Variants in MPDZ observed in about 807,000 individuals in gnomAD.
The protein encoded by MPDZ is multiple PDZ domain crumbs cell polarity complex component, also known as multiple PDZ domain protein.
A neutral mutation model predicts 239.1 loss-of-function variants in MPDZ; 234 were observed. That is an observed-to-expected ratio of 0.98 (90% CI 0.88 to 1.09). The LOEUF (loss-of-function observed/expected upper bound fraction) is 1.09, where lower values mean the gene tolerates loss of function less well. Among genes scored for constraint, MPDZ ranks in the 50% least tolerant of loss-of-function variants. The pLI is 0.00. For missense variants in MPDZ, 3,175 were observed against 2,510.0 expected (o/e 1.26, Z -5.66); for synonymous variants, 1,048 against 881.3 (o/e 1.19, Z -3.35).
At position 13,106,941 on chromosome 9, in the gene MPDZ, G is replaced by A; in HGVS notation, c.*24C>T. 1 of 1,612,440 alleles carries A rather than the reference G, an allele frequency of 6.2e-7. No homozygotes were observed. The highest frequency in any genetic ancestry group is 8.5e-7 in the Non-Finnish European group (1 of 1,178,712). On this transcript the variant is annotated 3_prime_UTR_variant, in exon 47 of 47. Transcript: ENST00000319217. ...CAGTAGGAGGTGAGCTAGGGGTTGG[G>A]TTGGTTCAATTCTGGCAGCCAATTC...
intron 24 of MPDZ, among the ~76,000 whole-genome samples, chr9:13,155,244 G>A (rs1233168227): frequency 6.6e-6 from 1 of 151,938 alleles, no homozygotes; most frequent in Non-Finnish European, 1.5e-5. Flanking sequence ...AATTGGTATA[G>A]CAACCTTAAA....
chr9:13,157,913 C>T (rs529637868), intron 24 of MPDZ, 105 bp downstream of exon 24: 16 of 898,996 alleles, frequency 1.8e-5, no homozygotes, highest in Admixed American at 6.1e-5. Flanking sequence ...ACAACTCACC[C>T]GATATAACAA....
intron 32 of MPDZ, among the ~76,000 whole-genome samples, chr9:13,128,792 C>A (rs867046493): frequency 3.9e-5 from 6 of 152,224 alleles, no homozygotes; most frequent in Middle Eastern, 6.8e-3. Context: ...CTCCCTTCTC[C>A]CAAGATACAT....
chr9:13,148,003 T>C (rs1948663448), intron 25 of MPDZ, among the ~76,000 whole-genome samples: 1 of 152,054 alleles, frequency 6.6e-6, no homozygotes. Flanking sequence ...AGCAGCACTG[T>C]CTTCATCATG....
At position 13,122,140 on chromosome 9, in the gene MPDZ, C is replaced by A. The variant is rs778870383; in HGVS notation, c.4984G>T (p.Glu1662Ter). 2 of 1,613,974 alleles carry A rather than the reference C, an allele frequency of 1.2e-6. No individual in the cohort carries two copies. The highest frequency in any genetic ancestry group is 1.7e-6 in the Non-Finnish European group (2 of 1,179,908). ...GAIIIHEVYE[E>*]GAACKDGRLW... is the part of the protein sequence containing the mutation. The stretch of plus-strand genomic sequence containing the variant: ...CTTCCATCTTTACATGCTGCTCCTT[C>A]TTCATAAACTTCATGGATAATAATG... The change falls in exon 37 of 47, where the codon GAA becomes TAA. Residue 1662 changes from glutamate (E) to a stop codon, truncating the protein, a stop_gained. Transcript: ENST00000319217. LOFTEE classifies it high-confidence loss of function.
chr9:13,115,402 T>C (rs1300099224), intron 39 of MPDZ, 68 bp from the exon 40 acceptor site: 3 of 1,297,954 alleles, frequency 2.3e-6, no homozygotes, highest in Non-Finnish European at 2.2e-6. Flanking sequence ...TCTTTAGGAA[T>C]ACATTTTACT....
At chr9:13,151,633 G>C (rs1334158101) in intron 24 of MPDZ, among the ~76,000 whole-genome samples, 1 of 151,972 alleles carries the variant, frequency 6.6e-6, no homozygotes, top group Non-Finnish European at 1.5e-5. Flanking sequence ...GCCTGGGATG[G>C]GAAGAGACAA....
intron 1 of MPDZ, among the ~76,000 whole-genome samples, chr9:13,265,950 C>T (rs1971704796): frequency 6.6e-6 from 1 of 152,182 alleles, no homozygotes; most frequent in Non-Finnish European, 1.5e-5. Context: ...TTTATATATT[C>T]TCCCAAGATC....
At chr9:13,129,393 G>A (rs1164158672) in intron 32 of MPDZ, among the ~76,000 whole-genome samples, 4 of 151,974 alleles carry the variant, frequency 2.6e-5, no homozygotes, top group South Asian at 4.1e-4. Context: ...AACCCGGGAG[G>A]TGGAGGATGC....
intron 24 of MPDZ, among the ~76,000 whole-genome samples, chr9:13,156,959 CTT>C (rs1949904410): frequency 6.6e-6 from 1 of 152,078 alleles, no homozygotes; most frequent in Admixed American, 6.6e-5. Context: ...AGTTAAGTGA[CTT>C]TTGATGAAAT....
intron 12 of MPDZ, among the ~76,000 whole-genome samples, chr9:13,198,824 G>A (rs1395730205): frequency 6.8e-6 from 1 of 146,048 alleles, no homozygotes; most frequent in Non-Finnish European, 1.5e-5. Flanking sequence ...AAGTCTGTTG[G>A]TGTGATGCCT....
At chr9:13,132,520 G>T (rs559068472) in intron 32 of MPDZ, among the ~76,000 whole-genome samples, 1 of 152,110 alleles carries the variant, frequency 6.6e-6, no homozygotes, top group Non-Finnish European at 1.5e-5. Context: ...AGCCTAATGT[G>T]GAAATAGATG....
intron 3 of MPDZ, among the ~76,000 whole-genome samples, chr9:13,229,222 G>A (rs979054804): frequency 5.3e-5 from 8 of 151,936 alleles, no homozygotes; most frequent in Non-Finnish European, 1.2e-4. Flanking sequence ...CCACTTTAAA[G>A]GTATCAAAAA....
intron 19 of MPDZ, among the ~76,000 whole-genome samples, chr9:13,179,684 A>G (rs1464642279): frequency 6.6e-6 from 1 of 152,184 alleles, no homozygotes; most frequent in Admixed American, 6.5e-5. Context: ...AAAAGTCTAT[A>G]TTAATATGTG....
At chr9:13,197,989 TCTC>T (rs1955866267) in intron 12 of MPDZ, among the ~76,000 whole-genome samples, 1 of 152,068 alleles carries the variant, frequency 6.6e-6, no homozygotes. Context: ...CTTCATCCAT[TCTC>T]CTGTTGATCG....
intron 1 of MPDZ, among the ~76,000 whole-genome samples, chr9:13,265,812 A>C (rs1352289377): frequency 1.3e-5 from 2 of 152,138 alleles, no homozygotes; most frequent in African/African-American, 2.4e-5. Flanking sequence ...GTGGCTCCTC[A>C]GGGGAAAGTG....
chr9:13,116,595 C>T (rs1318662827), intron 39 of MPDZ, among the ~76,000 whole-genome samples: 1 of 152,154 alleles, frequency 6.6e-6, no homozygotes, highest in African/African-American at 2.4e-5. Context: ...CTTCTTGAAA[C>T]TATTTATATT....
chr9:13,200,355 C>A (rs2135450682), intron 12 of MPDZ, among the ~76,000 whole-genome samples: 1 of 152,002 alleles, frequency 6.6e-6, no homozygotes, highest in African/African-American at 2.4e-5. Flanking sequence ...TGGCGAAAGA[C>A]TTGAGGATTT....
intron 17 of MPDZ, among the ~76,000 whole-genome samples, chr9:13,186,659 CTTA>C (rs1477150252): frequency 6.6e-6 from 1 of 151,728 alleles, no homozygotes; most frequent in Non-Finnish European, 1.5e-5. Flanking sequence ...TTTCATTCTT[CTTA>C]TAAGAATTTT....
Sources: gnomAD v4.1 joint callset for allele counts (sites outside exome capture counted in the v4.1 genomes callset) on GRCh38, gnomAD v4.1.1 for gene constraint, MANE v1.5 for transcripts, NCBI Gene and HGNC (gene_info 2026-07-23, HGNC 2026-07-21) for gene names.